MAF: variants seen among roughly 807,000 people sequenced by gnomAD.
MAF encodes transcription factor Maf.
In MAF, 10 loss-of-function variants were observed where a neutral mutation model predicts 22.0. The ratio of observed to expected loss-of-function variants is 0.45; its 90% CI spans 0.28 to 0.77. The LOEUF is 0.77. Among genes scored for constraint, MAF ranks in the 30% least tolerant of loss-of-function variants. The pLI is 0.12. For synonymous variants in MAF, 337 were observed against 255.8 expected, an observed-to-expected ratio of 1.32 and a Z score of -3.03; for missense variants, 544 against 548.4, an observed-to-expected ratio of 0.99 and a Z score of 0.08.
At chr16:79,339,678 G>T in the MAF span, among the ~76,000 whole-genome samples, 3 of 152,090 alleles carry the variant, frequency 2.0e-5, no homozygotes, top group Non-Finnish European at 4.4e-5. Flanking sequence ...GTTATTCCTT[G>T]TTTGTTGTTA....
chr16:79,355,798 G>T, the MAF span, among the ~76,000 whole-genome samples: 1 of 152,142 alleles, frequency 6.6e-6, no homozygotes, highest in Non-Finnish European at 1.5e-5. Flanking sequence ...AGTGGCTATG[G>T]GCGGCGTGTG....
the MAF span, among the ~76,000 whole-genome samples, chr16:79,432,604 C>T: frequency 2.0e-5 from 3 of 152,206 alleles, no homozygotes; most frequent in Non-Finnish European, 2.9e-5. Flanking sequence ...AAGGGGGGAA[C>T]ATTGTATTTC....
chr16:79,495,519 G>A, the MAF span, among the ~76,000 whole-genome samples: 1 of 152,080 alleles, frequency 6.6e-6, no homozygotes, highest in African/African-American at 2.4e-5. Flanking sequence ...AGTTTTAGAA[G>A]CTCTCATGCC....
chr16:79,301,234 G>A, the MAF span, among the ~76,000 whole-genome samples: 5 of 152,214 alleles, frequency 3.3e-5, no homozygotes, highest in Non-Finnish European at 7.4e-5. Context: ...TGGGGAGGAC[G>A]GGACAGGGGG....
the MAF span, among the ~76,000 whole-genome samples, chr16:79,403,528 G>T: frequency 6.6e-6 from 1 of 152,206 alleles, no homozygotes; most frequent in East Asian, 1.9e-4. Context: ...ACCCTCTCTG[G>T]TCAGTGCTCA....
chr16:79,478,218 T>G, the MAF span, among the ~76,000 whole-genome samples: 1 of 152,220 alleles, frequency 6.6e-6, no homozygotes, highest in Admixed American at 6.5e-5. Context: ...TGGCCAATCC[T>G]CAATCACAGT....
the MAF span, among the ~76,000 whole-genome samples, chr16:79,450,523 C>A: frequency 2.0e-5 from 3 of 152,220 alleles, no homozygotes; most frequent in Non-Finnish European, 4.4e-5. Flanking sequence ...CCCCCAACCC[C>A]CTGGCCTGAT....
chr16:79,253,967 A>T, the MAF span, among the ~76,000 whole-genome samples: 2 of 151,788 alleles, frequency 1.3e-5, no homozygotes, highest in East Asian at 3.9e-4. Flanking sequence ...GTTGTCCCCA[A>T]CCACAGTCCC....
the MAF span, among the ~76,000 whole-genome samples, chr16:79,262,831 G>A: frequency 1.3e-5 from 2 of 152,176 alleles, no homozygotes; most frequent in Admixed American, 1.3e-4. Flanking sequence ...TTATCTAGAA[G>A]CTGGTGGGTG....
Position 79,598,949 on chromosome 16 carries a change from C to T in MAF, c.954G>A (p.Ser318=), listed in dbSNP as rs767205004. The stretch of plus-strand genomic sequence containing the variant: ...CTTGCTGCAGCAGCTGGTTCTTCTC[C>T]GACTCCAGGACGTGTCTCTGCTGCA... ...KRVQQRHVLE[S]EKNQLLQQVD... Residue 318 remains serine, a synonymous_variant, in exon 1 of 2, where the codon TCG becomes TCA. Transcript: ENST00000326043. The T allele has an allele frequency of 6.8e-6, 11 of 1,613,690 alleles. No individual in the cohort carries two copies. The highest frequency in any genetic ancestry group is 1.7e-4 in the Middle Eastern group (1 of 6,060).
the MAF span, among the ~76,000 whole-genome samples, chr16:79,215,329 A>G: frequency 1.3e-5 from 2 of 152,152 alleles, no homozygotes; most frequent in Non-Finnish European, 2.9e-5. Flanking sequence ...CAATCCTCCC[A>G]TTACAGGCAT....
At chr16:79,313,092 C>A in the MAF span, among the ~76,000 whole-genome samples, 3 of 152,096 alleles carry the variant, frequency 2.0e-5, no homozygotes, top group African/African-American at 7.2e-5. Context: ...TCGGTTTCTT[C>A]GTCTGCAAAG....
chr16:79,451,640 A>C, the MAF span, among the ~76,000 whole-genome samples: 2 of 152,242 alleles, frequency 1.3e-5, no homozygotes, highest in Admixed American at 1.3e-4. Context: ...AGTCAGCAAA[A>C]AGTTTGAAGT....
the MAF span, among the ~76,000 whole-genome samples, chr16:79,546,130 G>C: frequency 2.0e-5 from 3 of 152,034 alleles, no homozygotes; most frequent in African/African-American, 7.2e-5. Context: ...ATCATCAAAA[G>C]GTTAAAGAGA....
the MAF span, among the ~76,000 whole-genome samples, chr16:79,553,981 C>T: frequency 3.9e-5 from 6 of 151,978 alleles, no homozygotes; most frequent in African/African-American, 7.2e-5. Flanking sequence ...CCCAGCTACT[C>T]GGGAGGCTGA....
At chr16:79,516,749 T>C in the MAF span, among the ~76,000 whole-genome samples, 5 of 152,322 alleles carry the variant, frequency 3.3e-5, no homozygotes, top group East Asian at 1.9e-4. Context: ...TTCTCCACTA[T>C]CTGGTGTTTC....
At chr16:79,448,334 C>T in the MAF span, among the ~76,000 whole-genome samples, 33 of 151,392 alleles carry the variant, frequency 2.2e-4, no homozygotes, top group African/African-American at 7.3e-4. Flanking sequence ...CCCTCCATCC[C>T]AAAAAAGATT....
At chr16:79,358,707 T>C in the MAF span, among the ~76,000 whole-genome samples, 2 of 152,196 alleles carry the variant, frequency 1.3e-5, no homozygotes, top group Non-Finnish European at 2.9e-5. Context: ...GCTGCTGAGA[T>C]GATGGTGAGC....
At chr16:79,284,237 C>A in the MAF span, among the ~76,000 whole-genome samples, 3 of 152,170 alleles carry the variant, frequency 2.0e-5, no homozygotes. Context: ...GCAGAACTCC[C>A]TTTGGTATGA....
Sources: allele counts gnomAD v4.1 joint callset (sites outside exome capture counted in the v4.1 genomes callset), GRCh38; gene constraint gnomAD v4.1.1; transcripts MANE v1.5; gene names NCBI Gene and HGNC (gene_info 2026-07-23, HGNC 2026-07-21).